Variants in MSS51 observed in about 807,000 individuals in gnomAD.
The protein encoded by MSS51 is putative protein MSS51 homolog, mitochondrial.
A neutral mutation model predicts 40.2 loss-of-function variants in MSS51; 32 were observed. That is an observed-to-expected ratio of 0.80 (90% CI 0.60 to 1.07). The LOEUF (loss-of-function observed/expected upper bound fraction) is 1.07. MSS51 is among the 50% of genes least tolerant of loss of function. MSS51 has a pLI of 0.00. For synonymous variants in MSS51, 178 were observed against 214.2 expected, an observed-to-expected ratio of 0.83 and a Z score of 1.48; for missense variants, 518 against 568.9, an observed-to-expected ratio of 0.91 and a Z score of 0.91.
Position 73,425,142 on chromosome 10 carries a change from C to T in MSS51, c.1119G>A (p.Leu373=), listed in dbSNP as rs142621906. The change falls in exon 6 of 7, where the codon CTG becomes CTA. Residue 373 remains leucine, a synonymous_variant. Coordinates refer to ENST00000299432, the MANE Select transcript of MSS51 (RefSeq NM_001024593.2). ...TAGGAATCTTATAGTCACGAAGTAG[C>T]AGCAGGGTGGGCAGCCAAGCCTCCA... The part of the protein sequence containing the change: ...DLMEAWLPTL[L]LLRDYKIPTL... The T allele has an allele frequency of 3.1e-6, 5 of 1,609,352 alleles. No individual in the cohort carries two copies. Among genetic ancestry groups the T allele is most frequent in the Admixed American group, 3.4e-5 (2 of 58,570 alleles).
intron 5 of MSS51, 24 bp from the exon 6 acceptor site, chr10:73,425,215 G>A: frequency 6.6e-7 from 1 of 1,517,764 alleles, no homozygotes; most frequent in Non-Finnish European, 9.0e-7. Context: ...ATGAAAATGG[G>A]AATAGGGAAA....
At chr10:73,433,293 T>G (rs1034947929) in intron 1 of MSS51, among the ~76,000 whole-genome samples, 2 of 151,866 alleles carry the variant, frequency 1.3e-5, no homozygotes, top group African/African-American at 4.8e-5. Flanking sequence ...CACCAAAAAA[T>G]GCAAAACGTC....
Position 73,426,478 on chromosome 10 carries a change from C to G in MSS51, c.503-101G>C, listed in dbSNP as rs1187071655. On this transcript the variant is annotated intron_variant, in intron 4 of 6. Transcript: ENST00000299432. ...TTCCCTCCATGTTCACTCTGCCAAC[C>G]TGTGAGCAGGCGTGCCCCATCCTTT... 62 of 1,577,016 alleles carry G rather than the reference C, an allele frequency of 3.9e-5. 1 individual carries two copies. Among genetic ancestry groups the G allele is most frequent in the Non-Finnish European group, 5.2e-5 (61 of 1,162,738 alleles).
intron 1 of MSS51, among the ~76,000 whole-genome samples, chr10:73,432,430 A>G (rs1482407705): frequency 6.6e-6 from 1 of 152,114 alleles, no homozygotes; most frequent in Non-Finnish European, 1.5e-5. Context: ...CTAGGGTCTT[A>G]AATCCCAGAA....
rs1194111883 is a variant in MSS51 at position 73,425,527 on chromosome 10, A to G, written c.1069+284T>C. ...GCCTCTACTAAAAATACAAAAAATT[A>G]GCCAGGCGCCTGTAGTCCCAGCTAC... On this transcript the variant is annotated intron_variant, in intron 5 of 6. Coordinates refer to ENST00000299432, the MANE Select transcript of MSS51 (RefSeq NM_001024593.2). Among the ~76,000 whole-genome samples, 3 of 152,048 alleles carry G rather than the reference A, an allele frequency of 2.0e-5. No individual in the cohort carries two copies. The East Asian group carries it at 5.8e-4, about 30-fold the overall frequency.
intron 6 of MSS51, 131 bp downstream of exon 6, chr10:73,424,966 TA>T: frequency 1.2e-6 from 1 of 837,292 alleles, no homozygotes; most frequent in Non-Finnish European, 2.0e-6. Flanking sequence ...TCCAAGGGGA[TA>T]AAAAAGCCAT....
chr10:73,428,489 T>TTTG (rs775948101), intron 1 of MSS51, among the ~76,000 whole-genome samples, 188 bp from the exon 2 acceptor site: 10 of 152,074 alleles, frequency 6.6e-5, no homozygotes, highest in African/African-American at 1.4e-4. Context: ...GAAGAAGTAA[T>TTTG]TTGTTGTTGT....
In MSS51 at chr10:73,424,528, T is replaced by G. The variant is rs757858269; in HGVS notation, c.*25A>C. On this transcript the variant is annotated 3_prime_UTR_variant, in exon 7 of 7. Transcript: ENST00000299432. ...GTAATTTCATCACAAACTCCCCGTTTTCCAGATGTCCAGTTATGATCTATT... is the reference window on the plus strand; with the variant it reads ...GTAATTTCATCACAAACTCCCCGTTGTCCAGATGTCCAGTTATGATCTATT... 6.4e-7 allele frequency: 1 copy of G among 1,566,936 alleles called. No homozygotes were observed. Among genetic ancestry groups the G allele is most frequent in the East Asian group, 2.3e-5 (1 of 44,426 alleles).
rs755232369 is a variant in MSS51 at position 73,426,101 on chromosome 10, GTCC to G, written c.776_778del (p.Arg259del). 26 of 1,614,202 alleles carry G rather than the reference GTCC, an allele frequency of 1.6e-5. No individual in the cohort carries two copies. The highest frequency in any genetic ancestry group is 1.6e-4 in the Middle Eastern group (1 of 6,062). On this transcript the variant is annotated inframe_deletion, in exon 5 of 7. Transcript: ENST00000299432. ...AACCACATGCACTGTGCTTCCCCCA[GTCC>G]TCCTAACATCTATCCCCAAGGCCCT...
At position 73,424,342 on chromosome 10, in the gene MSS51, A is replaced by G. The variant is rs1183540580; in HGVS notation, c.*211T>C. The G allele has an allele frequency of 1.9e-6, 1 of 513,372 alleles. No homozygotes were observed. The highest frequency in any genetic ancestry group is 1.9e-5 in the African/African-American group (1 of 51,948). The allele number at this position is 513,372 out of a possible 1,614,324, so 31.8% of individuals were successfully genotyped here. A position where few individuals can be genotyped will look rare whatever the true frequency, so the allele number is the denominator to read the frequency against. On this transcript the variant is annotated 3_prime_UTR_variant, in exon 7 of 7. Coordinates refer to ENST00000299432, the MANE Select transcript of MSS51 (RefSeq NM_001024593.2). The stretch of plus-strand genomic sequence containing the variant: ...CAGTGAGTCGAGATCATGCCGCTGC[A>G]CTCCAGCCTGGGCAACAGAGCAAGA...
chr10:73,424,730 C>T lies in MSS51; in HGVS notation c.1206G>A (p.Leu402=). 6.2e-7 allele frequency: 1 copy of T among 1,614,114 alleles called. No homozygotes were observed. Among genetic ancestry groups the T allele is most frequent in the Non-Finnish European group, 8.5e-7 (1 of 1,180,010 alleles). The change falls in exon 7 of 7, where the codon CTG becomes CTA. Residue 402 remains leucine, a synonymous_variant. Coordinates refer to ENST00000299432, the MANE Select transcript of MSS51 (RefSeq NM_001024593.2). ...LVSSLQILVE[L]DTHITAFGSN... Reference sequence around the variant, plus strand: ...ACCCAAAGGCAGTGATGTGTGTATCCAGTTCCACCAGAATCTGCAAAGAGG... The same window carrying T: ...ACCCAAAGGCAGTGATGTGTGTATCTAGTTCCACCAGAATCTGCAAAGAGG...
chr10:73,423,720 G>A lies in MSS51; in HGVS notation c.*833C>T, dbSNP rs925516670. ...ACTCTAGGGTCAAAAGTCCCCAAGA[G>A]AAAACAGGAAAAGTAGACATTTCTC... On this transcript the variant is annotated 3_prime_UTR_variant, in exon 7 of 7. Transcript: ENST00000299432. The A allele has an allele frequency of 6.6e-6, 1 of 152,136 alleles. No homozygotes were observed. The highest frequency in any genetic ancestry group is 1.5e-5 in the Non-Finnish European group (1 of 68,024). 9.4% of individuals were successfully genotyped at this position (152,136 alleles called of 1,614,324 possible). A position where few individuals can be genotyped will look rare whatever the true frequency, so the allele number is the denominator to read the frequency against.
chr10:73,424,022 C>G lies in MSS51; in HGVS notation c.*531G>C, dbSNP rs2055962771. ...GCTCTGGAAAGACCAGCATCAGGGC[C>G]TCTTCCCACCCACTAAATCTAATTT... On this transcript the variant is annotated 3_prime_UTR_variant, in exon 7 of 7. Transcript: ENST00000299432. The G allele has an allele frequency of 6.4e-6, 1 of 155,836 alleles. No individual in the cohort carries two copies. The highest frequency in any genetic ancestry group is 1.4e-5 in the Non-Finnish European group (1 of 70,288). The allele number at this position is 155,836 out of a possible 1,614,324, so 9.7% of individuals were successfully genotyped here.
At chr10:73,428,766 C>T (rs963741243) in intron 1 of MSS51, among the ~76,000 whole-genome samples, 4 of 151,818 alleles carry the variant, frequency 2.6e-5, no homozygotes, top group Admixed American at 6.6e-5. Context: ...GGATTACAGG[C>T]TTGAGCCACC....
At chr10:73,425,717 G>T in intron 5 of MSS51, 94 bp downstream of exon 5, 86 of 958,376 alleles carry the variant, frequency 9.0e-5, no homozygotes, top group Non-Finnish European at 1.2e-4. Flanking sequence ...TGTGTTTAAT[G>T]AGACCAAATG....
Position 73,426,672 on chromosome 10 carries a change from C to G in MSS51, c.437G>C (p.Arg146Thr). ...ECQKSDWPAH[R>T]RVCQELRLVA... ...AAGACGAAGCTCTTGACAAACCCTC[C>G]TGTGTGCGGGCCAGTCTGACTTCTG... The change falls in exon 4 of 7, where the codon AGG (arginine) becomes ACG (threonine). Residue 146 changes from arginine to threonine, a missense_variant. By Grantham distance (71) the Arg-to-Thr change is moderately conservative. Transcript: ENST00000299432. The G allele has an allele frequency of 2.5e-6, 4 of 1,614,194 alleles. No homozygotes were observed. The highest frequency in any genetic ancestry group is 3.4e-6 in the Non-Finnish European group (4 of 1,180,028).
Position 73,426,128 on chromosome 10 carries a change from C to G in MSS51, c.752G>C (p.Arg251Thr), listed in dbSNP as rs2055986056. 3 of 1,614,214 alleles carry G rather than the reference C, an allele frequency of 1.9e-6. No homozygotes were observed. Among genetic ancestry groups the G allele is most frequent in the African/African-American group, 1.3e-5 (1 of 75,058 alleles). ...CCTCCTAACATCTATCCCCAAGGCC[C>G]TAAGTCCTAGGCCTAGAGTCAAGGG... ...SRPLTLGLGL[R>T]ALGIDVRRTG... The change falls in exon 5 of 7, where the codon AGG becomes ACG. Residue 251 changes from arginine (R) to threonine (T), a missense_variant. Physicochemically the swap from Arg to Thr is moderately conservative, Grantham distance 71. Coordinates refer to ENST00000299432, the MANE Select transcript of MSS51 (RefSeq NM_001024593.2).
intron 5 of MSS51, 142 bp downstream of exon 5, chr10:73,425,669 A>C (rs575217362): frequency 2.4e-5 from 19 of 804,884 alleles, no homozygotes; most frequent in Non-Finnish European, 3.4e-5. Context: ...CTCAAAAAAA[A>C]AAAAAGAAAA....
rs377629824 is a variant in MSS51 at position 73,428,021 on chromosome 10, A to G, written c.221+43T>C. ...TCTCCACCTTCTGAAATTTACTTCTACCAGAGACAATATATCCCTTTTCCA... is the reference window on the plus strand; with the variant it reads ...TCTCCACCTTCTGAAATTTACTTCTGCCAGAGACAATATATCCCTTTTCCA... On this transcript the variant is annotated intron_variant, in intron 2 of 6. Transcript: ENST00000299432. The G allele has an allele frequency of 4.8e-5, 75 of 1,574,320 alleles. No individual in the cohort carries two copies. In the African/African-American group the frequency reaches 9.4e-4, roughly 20 times the overall value.
Sources: allele counts gnomAD v4.1 joint callset (sites outside exome capture counted in the v4.1 genomes callset), GRCh38; gene constraint gnomAD v4.1.1; transcripts MANE v1.5; gene names NCBI Gene and HGNC (gene_info 2026-07-23, HGNC 2026-07-21).